KCNU1: variants seen among roughly 807,000 people sequenced by gnomAD.
KCNU1 encodes the protein potassium calcium-activated channel subfamily U member 1.
KCNU1 carries 93 observed loss-of-function variants against 126.8 expected under a neutral mutation model. That is an observed-to-expected ratio of 0.73 (90% CI 0.62 to 0.87). The LOEUF (loss-of-function observed/expected upper bound fraction) is 0.87. KCNU1 is among the 40% of genes least tolerant of loss of function. The pLI, the probability that KCNU1 is intolerant of heterozygous loss-of-function variation, is 0.00. For synonymous variants in KCNU1, 523 were observed against 494.2 expected (o/e 1.06, Z -0.77); for missense variants, 1,330 against 1,367.1 (o/e 0.97, Z 0.43).
At chr8:36,819,437 C>G (rs377611435) in intron 10 of KCNU1, among the ~76,000 whole-genome samples, 1 of 152,176 alleles carries the variant, frequency 6.6e-6, no homozygotes, top group African/African-American at 2.4e-5. Flanking sequence ...CTCTGATACT[C>G]CTGTCCCCCT....
chr8:36,877,738 G>A (rs1359292373), intron 19 of KCNU1, among the ~76,000 whole-genome samples: 2 of 152,100 alleles, frequency 1.3e-5, no homozygotes, highest in African/African-American at 4.8e-5. Context: ...ATCACAGCTT[G>A]AGGGATGCAT....
At chr8:36,822,737 C>T (rs1804175327) in intron 10 of KCNU1, among the ~76,000 whole-genome samples, 1 of 152,118 alleles carries the variant, frequency 6.6e-6, no homozygotes, top group Non-Finnish European at 1.5e-5. Context: ...TTACACAGCT[C>T]TTAAAACCAC....
chr8:36,867,405 G>A (rs889277435), intron 19 of KCNU1, among the ~76,000 whole-genome samples: 15 of 152,288 alleles, frequency 9.8e-5, no homozygotes, highest in Middle Eastern at 3.4e-3. Flanking sequence ...GTAGAGTGCC[G>A]TGGGAAAGTC....
At chr8:36,827,838 A>T (rs12676729) in intron 10 of KCNU1, among the ~76,000 whole-genome samples, 4,277 of 152,156 alleles carry the variant, frequency 0.028, 286 homozygotes, top group East Asian at 0.26. Context: ...TGATAGTGGG[A>T]GTGAAAATAA....
intron 2 of KCNU1, among the ~76,000 whole-genome samples, chr8:36,803,354 A>G (rs1449089915): frequency 6.6e-6 from 1 of 152,216 alleles, no homozygotes; most frequent in Non-Finnish European, 1.5e-5. Flanking sequence ...GAGGAATGTT[A>G]AATTACCTAA....
intron 18 of KCNU1, among the ~76,000 whole-genome samples, chr8:36,856,064 A>G (rs1254573850): frequency 1.3e-5 from 2 of 152,316 alleles, no homozygotes; most frequent in East Asian, 3.9e-4. Context: ...CTAGTGAATA[A>G]TTAACATCAG....
chr8:36,923,875 A>G (rs1808448990), intron 24 of KCNU1, among the ~76,000 whole-genome samples: 1 of 152,246 alleles, frequency 6.6e-6, no homozygotes, highest in Admixed American at 6.5e-5. Flanking sequence ...ACATTTCCAC[A>G]TAAAGAAGGT....
intron 1 of KCNU1, 28 bp from the exon 2 acceptor site, chr8:36,787,278 A>T: frequency 6.3e-7 from 1 of 1,584,542 alleles, no homozygotes; most frequent in Non-Finnish European, 8.6e-7. Context: ...TCCAGCTCAC[A>T]TTGTCAATTT....
At chr8:36,923,106 T>G in intron 24 of KCNU1, 1 of 455,968 alleles carries the variant, frequency 2.2e-6, no homozygotes, top group South Asian at 1.5e-5. Context: ...TGGGGGGCAT[T>G]CTTGACTACA....
intron 19 of KCNU1, among the ~76,000 whole-genome samples, chr8:36,892,887 C>T (rs1807023829): frequency 6.6e-6 from 1 of 152,072 alleles, no homozygotes; most frequent in Non-Finnish European, 1.5e-5. Flanking sequence ...TGCACATGCA[C>T]ATGGTTTTAT....
intron 10 of KCNU1, among the ~76,000 whole-genome samples, chr8:36,820,587 C>A (rs1217923749): frequency 6.7e-5 from 10 of 148,736 alleles, no homozygotes; most frequent in African/African-American, 2.2e-4. Context: ...TTTAATCATG[C>A]ATGCTAAGGT....
chr8:36,908,464 TGC>T (rs1807724039), intron 20 of KCNU1, among the ~76,000 whole-genome samples: 1 of 151,722 alleles, frequency 6.6e-6, no homozygotes, highest in South Asian at 2.1e-4. Context: ...GTTGGTGTGC[TGC>T]ACCCATTAAC....
rs534319350 is a variant in KCNU1 at position 36,835,058 on chromosome 8, G to A, written c.1295+190G>A. On this transcript the variant is annotated intron_variant, in intron 12 of 26. Coordinates refer to ENST00000399881, the MANE Select transcript of KCNU1 (RefSeq NM_001031836.3). ...CAGATGGATGCAAAAGGATAAAAACGGAGCATCCTGAGTGTGAATGTGCTT... is the reference window on the plus strand; with the variant it reads ...CAGATGGATGCAAAAGGATAAAAACAGAGCATCCTGAGTGTGAATGTGCTT... 2.6e-5 allele frequency among the ~76,000 whole-genome samples: 4 copies of A among 152,234 alleles called. No individual in the cohort carries two copies. The South Asian group carries it at 6.2e-4, about 24-fold the overall frequency.
At position 36,828,814 on chromosome 8, in the gene KCNU1, T is replaced by TTCATTTTTAGGCCATTAG. The variant is rs538472225; in HGVS notation, c.1107-4731_1107-4714dup. On this transcript the variant is annotated intron_variant, in intron 10 of 26. Coordinates refer to ENST00000399881, the MANE Select transcript of KCNU1 (RefSeq NM_001031836.3). ...CTTAATAGTGTCAAGAATGTGAATG[T>TTCATTTTTAGGCCATTAG]TCATTTTTAGGCCATTAGTCATTTT... Among the ~76,000 whole-genome samples, 38 of 152,234 alleles carry TTCATTTTTAGGCCATTAG rather than the reference T, an allele frequency of 2.5e-4. No homozygotes were observed. In the South Asian group the frequency reaches 7.7e-3, roughly 31 times the overall value.
intron 16 of KCNU1, among the ~76,000 whole-genome samples, chr8:36,842,557 G>A (rs1804995973): frequency 1.3e-5 from 2 of 152,192 alleles, no homozygotes; most frequent in South Asian, 2.1e-4. Flanking sequence ...GGTAGACTTG[G>A]AATCATAAGC....
chr8:36,888,693 T>G (rs377697651), intron 19 of KCNU1: 3 of 534,462 alleles, frequency 5.6e-6, no homozygotes, highest in African/African-American at 3.8e-5. Context: ...AGTGTTGATA[T>G]TGTTACAAAC....
chr8:36,922,211 G>A (rs1808374952), intron 23 of KCNU1, among the ~76,000 whole-genome samples: 1 of 152,142 alleles, frequency 6.6e-6, no homozygotes, highest in Non-Finnish European at 1.5e-5. Flanking sequence ...ATTATACAAG[G>A]ATGACAATCA....
chr8:36,840,346 T>G (rs1471076976), intron 14 of KCNU1, 117 bp from the exon 15 acceptor site: 8 of 606,478 alleles, frequency 1.3e-5, no homozygotes, highest in African/African-American at 1.1e-4. Flanking sequence ...ATAAATCTCT[T>G]TTTTATGACT....
intron 10 of KCNU1, among the ~76,000 whole-genome samples, chr8:36,831,316 T>A (rs1804538744): frequency 6.6e-6 from 1 of 152,006 alleles, no homozygotes; most frequent in South Asian, 2.1e-4. Context: ...TAGTTCTAGA[T>A]CCCTGAGGAA....
Sources: allele counts gnomAD v4.1 joint callset (sites outside exome capture counted in the v4.1 genomes callset), GRCh38; gene constraint gnomAD v4.1.1; transcripts MANE v1.5; gene names NCBI Gene and HGNC (gene_info 2026-07-23, HGNC 2026-07-21).